FAHD2A: variants seen among roughly 807,000 people sequenced by gnomAD.
The protein encoded by FAHD2A is fumarylacetoacetate hydrolase domain containing 2A, also known as oxaloacetate tautomerase FAHD2A, mitochondrial.
Under a neutral mutation model 33.4 loss-of-function variants are expected in FAHD2A, and 27 were observed. The observed-to-expected ratio is 0.81, with a 90% confidence interval of 0.60 to 1.11. The LOEUF (loss-of-function observed/expected upper bound fraction) is 1.11. Among genes scored for constraint, FAHD2A ranks in the 50% most tolerant of loss-of-function variants. The pLI is 0.00. For missense variants in FAHD2A, 296 were observed against 395.0 expected, an observed-to-expected ratio of 0.75 and a Z score of 2.12; for synonymous variants, 130 against 153.3, an observed-to-expected ratio of 0.85 and a Z score of 1.12.
intron 3 of FAHD2A, among the ~76,000 whole-genome samples, chr2:95,408,788 A>G (rs1268871545): frequency 3.3e-5 from 5 of 152,218 alleles, no homozygotes; most frequent in Non-Finnish European, 7.3e-5. Flanking sequence ...AGTAAATATT[A>G]GGCTTTGCGT....
At position 95,415,467 on chromosome 2, in the gene FAHD2A, A is replaced by G. The variant is rs1683062773; in HGVS notation, c.*2510A>G. On this transcript the variant is annotated 3_prime_UTR_variant, in exon 8 of 8. Transcript: ENST00000233379. Reference sequence around the variant, plus strand: ...TACTTGCATTCTCATTAGTAGGAACATGTGAGATGAAGCATGTTATGTTAT... The same window carrying G: ...TACTTGCATTCTCATTAGTAGGAACGTGTGAGATGAAGCATGTTATGTTAT... 6.6e-6 allele frequency: 1 copy of G among 152,616 alleles called. No homozygotes were observed. Among genetic ancestry groups the G allele is most frequent in the Non-Finnish European group, 1.5e-5 (1 of 68,036 alleles). The allele number at this position is 152,616 out of a possible 1,614,324, so 9.5% of individuals were successfully genotyped here.
Position 95,415,783 on chromosome 2 carries a change from G to T in FAHD2A, c.*2826G>T, listed in dbSNP as rs2551312. On this transcript the variant is annotated 3_prime_UTR_variant, in exon 8 of 8. Coordinates refer to ENST00000233379, the MANE Select transcript of FAHD2A (RefSeq NM_016044.3). ...GCGAGGCGGCCCGTGCAGTCCGTGC[G>T]CAGGAGGTCACACTCCCATGCTGCA... 5.2e-5 allele frequency: 8 copies of T among 152,688 alleles called. No individual in the cohort carries two copies. Among genetic ancestry groups the T allele is most frequent in the East Asian group, 1.9e-4 (1 of 5,188 alleles). The allele number at this position is 152,688 out of a possible 1,614,324, so 9.5% of individuals were successfully genotyped here.
chr2:95,414,233 CTGGT>C lies in FAHD2A; in HGVS notation c.*1280_*1283del. On this transcript the variant is annotated 3_prime_UTR_variant, in exon 8 of 8. Coordinates refer to ENST00000233379, the MANE Select transcript of FAHD2A (RefSeq NM_016044.3). ...CACTGCCTGCAGGAGCCTGGGCTGA[CTGGT>C]TGGGACTCACCAAAGATCCCTTCTT... 1.9e-6 allele frequency: 3 copies of C among 1,602,838 alleles called. No individual in the cohort carries two copies. The highest frequency in any genetic ancestry group is 2.2e-4 in the Middle Eastern group (1 of 4,460).
At chr2:95,409,627 A>G (rs1361709793) in intron 3 of FAHD2A, among the ~76,000 whole-genome samples, 2 of 152,218 alleles carry the variant, frequency 1.3e-5, no homozygotes, top group Admixed American at 6.5e-5. Context: ...TGACTTCTCA[A>G]TCATGCCTTC....
In FAHD2A at chr2:95,412,967, C is replaced by T. The variant is rs1682783295; in HGVS notation, c.*10C>T. The T allele has an allele frequency of 6.2e-7, 1 of 1,613,830 alleles. No homozygotes were observed. Among genetic ancestry groups the T allele is most frequent in the Admixed American group, 1.7e-5 (1 of 60,014 alleles). On this transcript the variant is annotated 3_prime_UTR_variant, in exon 8 of 8. Transcript: ENST00000233379. Reference sequence around the variant, plus strand: ...CAACAAGGTGGTGTGATGGCTCCTGCACAGGCCCTGCACATAGGATGAGGG... The same window carrying T: ...CAACAAGGTGGTGTGATGGCTCCTGTACAGGCCCTGCACATAGGATGAGGG...
intron 3 of FAHD2A, chr2:95,407,424 C>T (rs1036676783): frequency 4.3e-5 from 23 of 538,212 alleles, no homozygotes; most frequent in African/African-American, 4.0e-4. Context: ...TCCCACTGCC[C>T]ATGGCTCGGA....
At position 95,414,310 on chromosome 2, in the gene FAHD2A, G is replaced by A; in HGVS notation, c.*1353G>A. 1 of 1,088,592 alleles carries A rather than the reference G, an allele frequency of 9.2e-7. No individual in the cohort carries two copies. The highest frequency in any genetic ancestry group is 1.4e-6 in the Non-Finnish European group (1 of 708,434). 67.4% of individuals were successfully genotyped at this position (1,088,592 alleles called of 1,614,324 possible). A position where few individuals can be genotyped will look rare whatever the true frequency, so the allele number is the denominator to read the frequency against. ...CTGGAACAGCTGTTGGAGAGGAGAA[G>A]AAAAAGAAGACATCAAAAAGAAAAT... On this transcript the variant is annotated 3_prime_UTR_variant, in exon 8 of 8. Coordinates refer to ENST00000233379, the MANE Select transcript of FAHD2A (RefSeq NM_016044.3).
chr2:95,418,054 G>A (rs1376786876), downstream of FAHD2A, among the ~76,000 whole-genome samples: 1 of 138,402 alleles, frequency 7.2e-6, no homozygotes, highest in Non-Finnish European at 1.6e-5. Flanking sequence ...CCTCAATAGG[G>A]TGAATCTAAA....
intron 3 of FAHD2A, among the ~76,000 whole-genome samples, chr2:95,409,454 G>A (rs567568572): frequency 3.3e-5 from 5 of 152,150 alleles, no homozygotes; most frequent in South Asian, 2.1e-4. Flanking sequence ...GATTATAGGC[G>A]TGTACCACCA....
chr2:95,413,951 T>G lies in FAHD2A; in HGVS notation c.*994T>G. On this transcript the variant is annotated 3_prime_UTR_variant, in exon 8 of 8. Transcript: ENST00000233379. The stretch of plus-strand genomic sequence containing the variant: ...GGGGACAGAAGATGGTGACACTGGC[T>G]CCTCTCACCCCTAGGTCTCTGAAGG... 1 of 1,302,704 alleles carries G rather than the reference T, an allele frequency of 7.7e-7. No homozygotes were observed. Among genetic ancestry groups the G allele is most frequent in the South Asian group, 1.2e-5 (1 of 84,686 alleles). 80.7% of individuals were successfully genotyped at this position (1,302,704 alleles called of 1,614,324 possible).
rs775267251 is a variant in FAHD2A at position 95,410,930 on chromosome 2, C to T, written c.589C>T (p.Gln197Ter). ...TCATGACGTGAGTGCTCGTGACTGG[C>T]AAATGAGACGTAATGGGAAACAATG... ...VAHDVSARDW[Q>*]MRRNGKQWLL... The change falls in exon 5 of 8, where the codon CAA (glutamine) becomes TAA (stop). Residue 197 changes from glutamine (Q) to a stop codon, truncating the protein, a stop_gained. Coordinates refer to ENST00000233379, the MANE Select transcript of FAHD2A (RefSeq NM_016044.3). LOFTEE classifies it high-confidence loss of function. The T allele has an allele frequency of 1.4e-5, 23 of 1,613,876 alleles. No homozygotes were observed. Among genetic ancestry groups the T allele is most frequent in the Non-Finnish European group, 1.9e-5 (23 of 1,179,872 alleles).
downstream of FAHD2A, among the ~76,000 whole-genome samples, chr2:95,417,839 A>C (rs1293568318): frequency 6.6e-6 from 1 of 152,118 alleles, no homozygotes; most frequent in Admixed American, 6.5e-5. Context: ...TGAGGGCTCC[A>C]TCCCCATGAC....
intron 5 of FAHD2A, 103 bp from the exon 6 acceptor site, chr2:95,412,331 T>A: frequency 7.1e-7 from 1 of 1,409,084 alleles, no homozygotes; most frequent in Non-Finnish European, 9.8e-7. Context: ...TGAAGCCCTT[T>A]CACCTGCCAA....
At chr2:95,412,399 A>C in intron 5 of FAHD2A, 35 bp from the exon 6 acceptor site, 1 of 1,611,780 alleles carries the variant, frequency 6.2e-7, no homozygotes, top group Non-Finnish European at 8.5e-7. Flanking sequence ...GAGGGGGAAA[A>C]GGGATAACTC....
chr2:95,409,133 A>T (rs1422069695), intron 3 of FAHD2A, among the ~76,000 whole-genome samples: 1 of 152,166 alleles, frequency 6.6e-6, no homozygotes, highest in Non-Finnish European at 1.5e-5. Context: ...GAATTTGACC[A>T]CTTGGTTTAG....
chr2:95,420,247 T>G (rs1306378194), downstream of FAHD2A, among the ~76,000 whole-genome samples: 7 of 152,228 alleles, frequency 4.6e-5, no homozygotes, highest in Non-Finnish European at 8.8e-5. Flanking sequence ...GGGCACCCCA[T>G]GGTCTAATCA....
rs1682897566 is a variant in FAHD2A, at chr2:95,413,881, A to G, written c.*924A>G. The G allele has an allele frequency of 3.4e-6, 3 of 884,652 alleles. No homozygotes were observed. Among genetic ancestry groups the G allele is most frequent in the Non-Finnish European group, 5.7e-6 (3 of 524,408 alleles). 54.8% of individuals were successfully genotyped at this position (884,652 alleles called of 1,614,324 possible). On this transcript the variant is annotated 3_prime_UTR_variant, in exon 8 of 8. Coordinates refer to ENST00000233379, the MANE Select transcript of FAHD2A (RefSeq NM_016044.3). ...CAGGCCAGCCCTGTGGGGTGATGGG[A>G]ACATAGCTGGGTTTCCCTGAGCCAC...
intron 2 of FAHD2A, among the ~76,000 whole-genome samples, chr2:95,406,034 A>G (rs1273377656): frequency 6.6e-6 from 1 of 151,668 alleles, no homozygotes; most frequent in Non-Finnish European, 1.5e-5. Flanking sequence ...TTTGAAGGCC[A>G]TACATGTGGT....
Position 95,413,638 on chromosome 2 carries a change from C to A in FAHD2A, c.*681C>A, listed in dbSNP as rs919412248. On this transcript the variant is annotated 3_prime_UTR_variant, in exon 8 of 8. Transcript: ENST00000233379. ...GTGTCCACATGGCCCAGGGGCCAGGCCTGTCCCCCAGAAACCTGCCTTGAG... is the reference window on the plus strand; with the variant it reads ...GTGTCCACATGGCCCAGGGGCCAGGACTGTCCCCCAGAAACCTGCCTTGAG... The A allele has an allele frequency of 9.1e-6, 13 of 1,429,382 alleles. No individual in the cohort carries two copies. The highest frequency in any genetic ancestry group is 7.4e-6 in the Non-Finnish European group (8 of 1,080,308). The allele number at this position is 1,429,382 out of a possible 1,614,324, so 88.5% of individuals were successfully genotyped here.
Sources: allele counts gnomAD v4.1 joint callset (sites outside exome capture counted in the v4.1 genomes callset), GRCh38; gene constraint gnomAD v4.1.1; transcripts MANE v1.5; gene names NCBI Gene and HGNC (gene_info 2026-07-23, HGNC 2026-07-21).